NCALD: variants seen among roughly 807,000 people sequenced by gnomAD.
NCALD encodes the protein neurocalcin delta.
Under a neutral mutation model 18.6 loss-of-function variants are expected in NCALD, and 10 were observed. The ratio of observed to expected loss-of-function variants is 0.54; its 90% CI spans 0.33 to 0.91. NCALD has a LOEUF of 0.91. NCALD is among the 40% of genes least tolerant of loss of function. The pLI, the probability that NCALD is intolerant of heterozygous loss-of-function variation, is 0.03. For synonymous variants in NCALD, 88 were observed against 87.4 expected (o/e 1.01, Z -0.04); for missense variants, 184 against 247.6 (o/e 0.74, Z 1.72).
chr8:102,056,792 C>T (rs147761972), intron 1 of NCALD, among the ~76,000 whole-genome samples: 8 of 152,378 alleles, frequency 5.3e-5, no homozygotes, highest in African/African-American at 1.9e-4. Flanking sequence ...TGGAGCACCT[C>T]AGTTAGTGAG....
At position 101,719,255 on chromosome 8, in the gene NCALD, C is replaced by A; in HGVS notation, c.375G>T (p.Val125=). ...YISKAEMLEI[V]QAIYKMVSSV... is the part of the protein sequence containing the mutation. ...TTAAAGGGCTCAGTCTACGTACCTGCACGATCTCTAGCATCTCTGCCTTGC... is the reference window on the plus strand; with the variant it reads ...TTAAAGGGCTCAGTCTACGTACCTGAACGATCTCTAGCATCTCTGCCTTGC... The change falls in exon 2 of 4, where the codon GTG becomes GTT. Residue 125 remains valine (V), a synonymous_variant. Transcript: ENST00000220931. The A allele has an allele frequency of 6.2e-7, 1 of 1,613,102 alleles. No homozygotes were observed. Among genetic ancestry groups the A allele is most frequent in the Non-Finnish European group, 8.5e-7 (1 of 1,179,498 alleles).
At chr8:101,804,698 T>TA (rs1563786848) in intron 4 of NCALD, among the ~76,000 whole-genome samples, 2 of 143,558 alleles carry the variant, frequency 1.4e-5, no homozygotes, top group South Asian at 4.2e-4. Flanking sequence ...AATACCTAAT[T>TA]ATATATAAAT....
intron 3 of NCALD, among the ~76,000 whole-genome samples, chr8:101,892,937 C>A (rs1379512725): frequency 2.0e-5 from 3 of 149,462 alleles, no homozygotes; most frequent in Non-Finnish European, 4.4e-5. Context: ...GGAAAACACT[C>A]TGCAGGATAT....
At chr8:102,037,861 A>G (rs1822924539) in intron 1 of NCALD, among the ~76,000 whole-genome samples, 1 of 152,196 alleles carries the variant, frequency 6.6e-6, no homozygotes, top group Non-Finnish European at 1.5e-5. Context: ...TGAAGAAAAC[A>G]AAAGAGTAAA....
chr8:102,081,989 G>A (rs1265339010), intron 1 of NCALD, among the ~76,000 whole-genome samples: 1 of 152,142 alleles, frequency 6.6e-6, no homozygotes, highest in Non-Finnish European at 1.5e-5. Context: ...GAGCAGAGTT[G>A]AGTGTTGTAT....
At chr8:102,028,703 T>C (rs1822555868) in intron 1 of NCALD, among the ~76,000 whole-genome samples, 1 of 152,242 alleles carries the variant, frequency 6.6e-6, no homozygotes. Context: ...GCCCGCCATA[T>C]GTGAATTACA....
chr8:101,883,355 G>A (rs746044398), intron 4 of NCALD, among the ~76,000 whole-genome samples: 26 of 152,030 alleles, frequency 1.7e-4, no homozygotes, highest in Middle Eastern at 3.4e-3. Context: ...AACAAATAAA[G>A]AAAATAAAAC....
intron 2 of NCALD, among the ~76,000 whole-genome samples, chr8:101,930,485 G>A (rs1039148104): frequency 3.3e-5 from 5 of 151,952 alleles, no homozygotes; most frequent in South Asian, 4.2e-4. Flanking sequence ...ATGCCAGGGT[G>A]CCTTGAGCTC....
intron 2 of NCALD, among the ~76,000 whole-genome samples, chr8:101,988,444 T>A (rs1820911213): frequency 6.6e-6 from 1 of 152,194 alleles, no homozygotes; most frequent in Non-Finnish European, 1.5e-5. Context: ...ACTTACTGTA[T>A]GACATCGAGA....
At chr8:101,862,580 A>G (rs1815589770) in intron 4 of NCALD, among the ~76,000 whole-genome samples, 1 of 152,238 alleles carries the variant, frequency 6.6e-6, no homozygotes, top group African/African-American at 2.4e-5. Context: ...ATAGCATAAT[A>G]AAGGAGGCAC....
chr8:102,002,236 A>C (rs961528309), intron 2 of NCALD, among the ~76,000 whole-genome samples: 1 of 152,186 alleles, frequency 6.6e-6, no homozygotes, highest in African/African-American at 2.4e-5. Context: ...CCTAGTCTCT[A>C]ATAAAACAGA....
At chr8:101,865,743 T>G (rs1204273015) in intron 4 of NCALD, among the ~76,000 whole-genome samples, 1 of 152,302 alleles carries the variant, frequency 6.6e-6, no homozygotes, top group East Asian at 1.9e-4. Flanking sequence ...GAAATCAAGA[T>G]TTTCTCCACC....
At chr8:101,746,013 T>G (rs997644542) in intron 1 of NCALD, 2 of 152,222 alleles carry the variant, frequency 1.3e-5, no homozygotes, top group Non-Finnish European at 2.9e-5. Context: ...AACACACATT[T>G]GTGTAATAGT....
chr8:102,036,147 T>TAAATA (rs1264046653), intron 1 of NCALD, among the ~76,000 whole-genome samples: 73 of 145,632 alleles, frequency 5.0e-4, no homozygotes, highest in African/African-American at 1.8e-3. Context: ...ATAAATAAAT[T>TAAATA]AATTAATTAA....
At chr8:102,006,577 A>G (rs1428084583) in intron 2 of NCALD, among the ~76,000 whole-genome samples, 2 of 152,168 alleles carry the variant, frequency 1.3e-5, no homozygotes, top group African/African-American at 4.8e-5. Context: ...TTCCTCTAAC[A>G]GGAGGCACCA....
At chr8:101,732,590 CTTTTTTTTTTT>C (rs576286368) in intron 1 of NCALD, among the ~76,000 whole-genome samples, 10 of 53,676 alleles carry the variant, frequency 1.9e-4, no homozygotes, top group African/African-American at 3.6e-4. Context: ...TTTTTCTTTG[CTTTTTTTTTTT>C]TTTTTTTTTT....
chr8:101,818,337 G>A (rs1813583722), intron 4 of NCALD, among the ~76,000 whole-genome samples: 1 of 152,088 alleles, frequency 6.6e-6, no homozygotes, highest in Admixed American at 6.5e-5. Flanking sequence ...TCATGCAAAT[G>A]ACCTCACTTG....
intron 3 of NCALD, among the ~76,000 whole-genome samples, chr8:101,894,919 A>G (rs1817092204): frequency 6.6e-6 from 1 of 150,952 alleles, no homozygotes; most frequent in African/African-American, 2.5e-5. Context: ...TTCACAGCCG[A>G]ATTCTACCAG....
intron 4 of NCALD, among the ~76,000 whole-genome samples, chr8:101,830,260 CCTT>C (rs1814119107): frequency 6.6e-6 from 1 of 152,094 alleles, no homozygotes; most frequent in African/African-American, 2.4e-5. Flanking sequence ...TTTCAAATAA[CCTT>C]CTTGAAAATG....
Sources: allele counts gnomAD v4.1 joint callset (sites outside exome capture counted in the v4.1 genomes callset), GRCh38; gene constraint gnomAD v4.1.1; transcripts MANE v1.5; gene names NCBI Gene and HGNC (gene_info 2026-07-23, HGNC 2026-07-21).